SMYD3: variants seen among roughly 807,000 people sequenced by gnomAD.
SMYD3 encodes histone-lysine N-methyltransferase SMYD3.
Under a neutral mutation model 57.7 loss-of-function variants are expected in SMYD3, and 36 were observed. The observed-to-expected ratio is 0.62, with a 90% CI of 0.48 to 0.82. SMYD3 has a LOEUF of 0.82. Ranked by LOEUF, SMYD3 falls within the 40% of genes least tolerant of loss-of-function variation. SMYD3 has a pLI of 0.00. For synonymous variants in SMYD3, 211 were observed against 195.0 expected (o/e 1.08, Z -0.68); for missense variants, 515 against 538.8 (o/e 0.96, Z 0.44).
intron 1 of SMYD3, among the ~76,000 whole-genome samples, chr1:246,411,264 A>C (rs2102985379): frequency 6.6e-6 from 1 of 152,328 alleles, no homozygotes; most frequent in South Asian, 2.1e-4. Flanking sequence ...GCAAATCAAA[A>C]CCACAATGAG....
chr1:246,376,122 G>GA (rs1191947578), intron 1 of SMYD3, among the ~76,000 whole-genome samples: 1 of 152,046 alleles, frequency 6.6e-6, no homozygotes, highest in Non-Finnish European at 1.5e-5. Flanking sequence ...CGTGATAAAG[G>GA]AATGTCTGGA....
chr1:245,918,573 C>G (rs56277511), intron 7 of SMYD3, among the ~76,000 whole-genome samples: 1 of 152,190 alleles, frequency 6.6e-6, no homozygotes, highest in Non-Finnish European at 1.5e-5. Flanking sequence ...CACAAAGGGT[C>G]ACCTATACCA....
At chr1:246,292,679 G>A (rs1347047479) in intron 5 of SMYD3, among the ~76,000 whole-genome samples, 1 of 152,154 alleles carries the variant, frequency 6.6e-6, no homozygotes, top group Non-Finnish European at 1.5e-5. Flanking sequence ...ACAGTAAAAG[G>A]AATGACACAT....
chr1:245,935,437 T>A (rs1429772220), intron 5 of SMYD3, among the ~76,000 whole-genome samples: 1 of 152,234 alleles, frequency 6.6e-6, no homozygotes, highest in East Asian at 1.9e-4. Context: ...AGGGAATTCC[T>A]GCACACTGGT....
At chr1:246,409,786 T>A (rs2066931683) in intron 1 of SMYD3, among the ~76,000 whole-genome samples, 1 of 152,238 alleles carries the variant, frequency 6.6e-6, no homozygotes, top group African/African-American at 2.4e-5. Flanking sequence ...TTTTTCATGA[T>A]ATTGATTCTT....
chr1:246,075,192 C>T (rs1245372109), intron 5 of SMYD3, among the ~76,000 whole-genome samples: 1 of 151,730 alleles, frequency 6.6e-6, no homozygotes, highest in Non-Finnish European at 1.5e-5. Flanking sequence ...TTGTAATGAA[C>T]AAATAGGAAA....
intron 1 of SMYD3, among the ~76,000 whole-genome samples, chr1:246,418,517 G>A (rs1364234748): frequency 6.6e-6 from 1 of 152,200 alleles, no homozygotes; most frequent in Non-Finnish European, 1.5e-5. Flanking sequence ...GTGTTAGTCA[G>A]CTCAATTAGA....
At chr1:246,026,882 G>A (rs377283519) in intron 5 of SMYD3, among the ~76,000 whole-genome samples, 8 of 152,150 alleles carry the variant, frequency 5.3e-5, no homozygotes, top group East Asian at 1.9e-4. Context: ...AAGACATGTC[G>A]AGAACTAAGA....
chr1:245,900,654 A>G (rs1158187563), intron 8 of SMYD3, among the ~76,000 whole-genome samples: 1 of 152,198 alleles, frequency 6.6e-6, no homozygotes, highest in African/African-American at 2.4e-5. Context: ...TTATAGCCAA[A>G]TCCTTTCCTA....
intron 8 of SMYD3, among the ~76,000 whole-genome samples, chr1:245,881,476 T>C (rs1365002674): frequency 1.3e-5 from 2 of 152,172 alleles, no homozygotes; most frequent in East Asian, 1.9e-4. Context: ...TAAAAGTCAT[T>C]TTGAAGCATC....
chr1:246,410,384 T>G (rs1043881046), intron 1 of SMYD3, among the ~76,000 whole-genome samples: 3 of 151,858 alleles, frequency 2.0e-5, no homozygotes, highest in Non-Finnish European at 4.4e-5. Context: ...GCATGAAGTG[T>G]TGCTGAATTT....
chr1:246,093,922 A>G (rs897366733), intron 5 of SMYD3, among the ~76,000 whole-genome samples: 3 of 152,180 alleles, frequency 2.0e-5, no homozygotes, highest in Non-Finnish European at 4.4e-5. Flanking sequence ...AAACAGAACC[A>G]CACAGCCCAT....
intron 5 of SMYD3, among the ~76,000 whole-genome samples, chr1:246,255,358 C>A (rs1394956222): frequency 6.6e-6 from 1 of 150,794 alleles, no homozygotes; most frequent in African/African-American, 2.4e-5. Flanking sequence ...TCCTTCAATG[C>A]CTGGTTTCTT....
intron 3 of SMYD3, among the ~76,000 whole-genome samples, chr1:246,333,434 CA>C (rs2065492821): frequency 6.6e-6 from 1 of 152,116 alleles, no homozygotes; most frequent in African/African-American, 2.4e-5. Flanking sequence ...ATCTGCACAG[CA>C]AAAGAAACCT....
chr1:246,217,462 T>C (rs1039137661), intron 5 of SMYD3, among the ~76,000 whole-genome samples: 9 of 152,062 alleles, frequency 5.9e-5, no homozygotes, highest in African/African-American at 1.2e-4. Flanking sequence ...TGAGCCGAGA[T>C]TGTACAACTG....
At chr1:246,303,350 A>T (rs930419730) in intron 5 of SMYD3, among the ~76,000 whole-genome samples, 1 of 152,168 alleles carries the variant, frequency 6.6e-6, no homozygotes, top group Non-Finnish European at 1.5e-5. Context: ...CACTAAGATC[A>T]TACATTCCTC....
chr1:245,915,512 TG>T lies in SMYD3; in HGVS notation c.813+17del. On this transcript the variant is annotated intron_variant, in intron 8 of 11. Coordinates refer to ENST00000490107, the MANE Select transcript of SMYD3 (RefSeq NM_001167740.2). ...ATTTTGCCGTGGAGGTGTTTCAATC[TG>T]GTTCCATACTACATACCTTGTCCTG... The T allele has an allele frequency of 6.4e-7, 1 of 1,551,720 alleles. No individual in the cohort carries two copies. The highest frequency in any genetic ancestry group is 8.9e-7 in the Non-Finnish European group (1 of 1,126,048).
chr1:246,199,076 G>A (rs535306296), intron 5 of SMYD3, among the ~76,000 whole-genome samples: 2 of 152,214 alleles, frequency 1.3e-5, no homozygotes, highest in East Asian at 1.9e-4. Flanking sequence ...CACCCAGGGG[G>A]TGAGCCTAGT....
At chr1:245,769,899 C>A (rs2148080077) in intron 10 of SMYD3, among the ~76,000 whole-genome samples, 1 of 152,290 alleles carries the variant, frequency 6.6e-6, no homozygotes, top group South Asian at 2.1e-4. Flanking sequence ...CCAGGTCCAG[C>A]ATCTGCAGGT....
Sources: allele counts gnomAD v4.1 joint callset (sites outside exome capture counted in the v4.1 genomes callset), GRCh38; gene constraint gnomAD v4.1.1; transcripts MANE v1.5; gene names NCBI Gene and HGNC (gene_info 2026-07-23, HGNC 2026-07-21).